GRM7: variants seen among roughly 807,000 people sequenced by gnomAD.
GRM7 encodes metabotropic glutamate receptor 7.
Under a neutral mutation model 84.5 loss-of-function variants are expected in GRM7, and 35 were observed. The ratio of observed to expected loss-of-function variants is 0.41; its 90% CI spans 0.32 to 0.55. The LOEUF (loss-of-function observed/expected upper bound fraction) is 0.55, where lower values mean the gene tolerates loss of function less well. Among genes scored for constraint, GRM7 ranks in the 20% least tolerant of loss-of-function variants. The pLI is 0.19. For missense variants in GRM7, 1,003 were observed against 1,194.6 expected (o/e 0.84, Z 2.36); for synonymous variants, 487 against 455.1 (o/e 1.07, Z -0.89).
At chr3:7,100,942 C>T (rs1409965948) in intron 1 of GRM7, among the ~76,000 whole-genome samples, 2 of 151,020 alleles carry the variant, frequency 1.3e-5, no homozygotes, top group Admixed American at 1.3e-4. Flanking sequence ...TTGTTTCCTC[C>T]GTTGCTGAGT....
intron 9 of GRM7, among the ~76,000 whole-genome samples, chr3:7,732,030 G>C (rs1352072625): frequency 2.6e-5 from 4 of 151,766 alleles, no homozygotes; most frequent in Admixed American, 2.6e-4. Context: ...ACGTGGTATG[G>C]CCGGCCTCGT....
intron 1 of GRM7, among the ~76,000 whole-genome samples, chr3:6,931,314 C>T (rs1285436505): frequency 6.6e-6 from 1 of 152,082 alleles, no homozygotes; most frequent in East Asian, 1.9e-4. Context: ...AATGTCTGCC[C>T]TTGGTAAAAG....
intron 7 of GRM7, chr3:7,519,815 T>A (rs913941830): frequency 6.6e-6 from 1 of 152,240 alleles, no homozygotes; most frequent in East Asian, 1.9e-4. Flanking sequence ...TTGCAACAGC[T>A]GAAGTGGATC....
At chr3:7,056,107 A>G (rs1177782669) in intron 1 of GRM7, among the ~76,000 whole-genome samples, 1 of 152,004 alleles carries the variant, frequency 6.6e-6, no homozygotes, top group Non-Finnish European at 1.5e-5. Context: ...AGAAAAAAAC[A>G]CAGCAAGTAG....
At chr3:6,998,595 G>C (rs1255691254) in intron 1 of GRM7, among the ~76,000 whole-genome samples, 1 of 152,212 alleles carries the variant, frequency 6.6e-6, no homozygotes, top group Admixed American at 6.5e-5. Context: ...TTCTCCCTGA[G>C]GGCTCTGCTC....
chr3:6,996,603 T>A (rs1001805046), intron 1 of GRM7, among the ~76,000 whole-genome samples: 1 of 152,176 alleles, frequency 6.6e-6, no homozygotes, highest in South Asian at 2.1e-4. Context: ...TATGGATATC[T>A]GTTTGAAGAT....
intron 7 of GRM7, among the ~76,000 whole-genome samples, chr3:7,569,318 C>G (rs1694519591): frequency 1.3e-5 from 2 of 151,928 alleles, no homozygotes; most frequent in Non-Finnish European, 2.9e-5. Flanking sequence ...GTGAATGCAC[C>G]AATGGACACT....
intron 9 of GRM7, among the ~76,000 whole-genome samples, chr3:7,723,249 C>T (rs967249759): frequency 6.6e-6 from 1 of 152,112 alleles, no homozygotes; most frequent in Non-Finnish European, 1.5e-5. Context: ...TCACTTAATA[C>T]CCAGCTTGTG....
At chr3:7,550,569 CTCTCTCTCTGTGTGTGTGTGTG>C (rs1350400087) in intron 7 of GRM7, among the ~76,000 whole-genome samples, 9 of 96,760 alleles carry the variant, frequency 9.3e-5, no homozygotes, top group Non-Finnish European at 1.7e-4. Flanking sequence ...CTCTCTCTCT[CTCTCTCTCTGTGTGTGTGTGTG>C]TGTGTGTGTG....
intron 4 of GRM7, among the ~76,000 whole-genome samples, chr3:7,365,265 T>C (rs759903936): frequency 2.0e-5 from 3 of 151,818 alleles, no homozygotes; most frequent in East Asian, 1.9e-4. Context: ...ATAGCTGATA[T>C]TGAAATTGAC....
rs7426721 is a variant in GRM7 at position 6,862,727 on chromosome 3, C to A, written c.519+820C>A. On this transcript the variant is annotated intron_variant, in intron 1 of 9. Coordinates refer to ENST00000357716, the MANE Select transcript of GRM7 (RefSeq NM_000844.4). The surrounding 1 kb of genome is among the most constrained non-coding windows in gnomAD (Gnocchi z 5.2). Reference sequence around the variant, plus strand: ...TCTCCCTGCCTCCTCCCTCCTCCCCCCCGCCCCCCTCACCCACTATCTCCC... The same window carrying A: ...TCTCCCTGCCTCCTCCCTCCTCCCCACCGCCCCCCTCACCCACTATCTCCC... 401 of 280,312 alleles carry A rather than the reference C, an allele frequency of 1.4e-3. 8 individuals carry two copies. The East Asian group carries it at 0.027, about 19-fold the overall frequency. The allele number at this position is 280,312 out of a possible 1,614,324, so 17.4% of individuals were successfully genotyped here. A position where few individuals can be genotyped will look rare whatever the true frequency, so the allele number is the denominator to read the frequency against.
At chr3:6,979,376 T>A (rs895185720) in intron 1 of GRM7, among the ~76,000 whole-genome samples, 1 of 152,178 alleles carries the variant, frequency 6.6e-6, no homozygotes, top group Non-Finnish European at 1.5e-5. Flanking sequence ...TTGGTATCTC[T>A]GGTGTTCACC....
intron 7 of GRM7, among the ~76,000 whole-genome samples, chr3:7,481,188 C>T (rs191108676): frequency 9.9e-5 from 15 of 152,102 alleles, no homozygotes; most frequent in Non-Finnish European, 1.9e-4. Context: ...AAGTGATCCT[C>T]CTGCCTCAAC....
At chr3:6,967,443 C>G (rs1487944810) in intron 1 of GRM7, among the ~76,000 whole-genome samples, 1 of 152,168 alleles carries the variant, frequency 6.6e-6, no homozygotes, top group Non-Finnish European at 1.5e-5. Flanking sequence ...GATCGGCTCA[C>G]TTTGGTCTCC....
At chr3:6,957,824 G>A (rs1275001531) in intron 1 of GRM7, among the ~76,000 whole-genome samples, 1 of 152,128 alleles carries the variant, frequency 6.6e-6, no homozygotes, top group Non-Finnish European at 1.5e-5. Context: ...TGGTCGACTT[G>A]GAGTTGACAA....
intron 7 of GRM7, among the ~76,000 whole-genome samples, chr3:7,471,540 A>G (rs1471569459): frequency 1.3e-5 from 2 of 152,108 alleles, no homozygotes; most frequent in East Asian, 3.9e-4. Context: ...TCCTCTGAGC[A>G]TCCAGTCTCT....
chr3:7,460,194 C>A (rs892252755), intron 6 of GRM7, among the ~76,000 whole-genome samples: 4 of 142,532 alleles, frequency 2.8e-5, no homozygotes, highest in African/African-American at 1.0e-4. Flanking sequence ...ACTAACTCAA[C>A]ACAAGAATGA....
intron 1 of GRM7, among the ~76,000 whole-genome samples, chr3:7,108,018 G>C (rs748458128): frequency 6.6e-6 from 1 of 151,966 alleles, no homozygotes; most frequent in Non-Finnish European, 1.5e-5. Context: ...GCAGAAAAGG[G>C]AAATATGTGA....
chr3:7,631,676 A>C (rs957454052), intron 8 of GRM7, among the ~76,000 whole-genome samples: 2 of 152,134 alleles, frequency 1.3e-5, no homozygotes, highest in African/African-American at 4.8e-5. Flanking sequence ...CATCCTGTGC[A>C]TTGTAGGATA....
Sources: allele counts gnomAD v4.1 joint callset (sites outside exome capture counted in the v4.1 genomes callset), GRCh38; gene constraint gnomAD v4.1.1; non-coding constraint Gnocchi (gnomAD v3.1); transcripts MANE v1.5; gene names NCBI Gene and HGNC (gene_info 2026-07-23, HGNC 2026-07-21).